DPH6: variants seen among roughly 807,000 people sequenced by gnomAD.
DPH6 encodes diphthine--ammonia ligase.
A neutral mutation model predicts 38.2 loss-of-function variants in DPH6; 33 were observed. The ratio of observed to expected loss-of-function variants is 0.86; its 90% CI spans 0.65 to 1.15. The LOEUF is 1.15. Among genes scored for constraint, DPH6 ranks in the 50% most tolerant of loss-of-function variants. DPH6 has a pLI of 0.00. For missense variants in DPH6, 325 were observed against 320.0 expected, an observed-to-expected ratio of 1.02 and a Z score of -0.12; for synonymous variants, 108 against 103.0, an observed-to-expected ratio of 1.05 and a Z score of -0.30.
intron 3 of DPH6, among the ~76,000 whole-genome samples, chr15:35,331,255 A>T (rs2052325225): frequency 6.6e-6 from 1 of 152,194 alleles, no homozygotes; most frequent in South Asian, 2.1e-4. Flanking sequence ...GGTTTTAATA[A>T]GTGAATTATG....
intron 3 of DPH6, among the ~76,000 whole-genome samples, chr15:35,495,851 A>C (rs1301147126): frequency 1.3e-5 from 2 of 152,220 alleles, no homozygotes; most frequent in Non-Finnish European, 2.9e-5. Flanking sequence ...ATGGCCTAAG[A>C]AGAAACAAAT....
chr15:35,470,321 G>A (rs777185396), intron 3 of DPH6, among the ~76,000 whole-genome samples: 4 of 152,030 alleles, frequency 2.6e-5, no homozygotes, highest in Admixed American at 2.0e-4. Flanking sequence ...GTTTTAAAGC[G>A]CAGAGTCTAT....
the DPH6 span, among the ~76,000 whole-genome samples, chr15:35,190,311 G>A: frequency 6.6e-6 from 1 of 152,184 alleles, no homozygotes; most frequent in African/African-American, 2.4e-5. Flanking sequence ...CCAGCTCTTC[G>A]GAAGACCGGA....
At chr15:35,507,399 T>C (rs915684755) in intron 3 of DPH6, among the ~76,000 whole-genome samples, 4 of 152,062 alleles carry the variant, frequency 2.6e-5, no homozygotes, top group Non-Finnish European at 4.4e-5. Flanking sequence ...TAATGAAAAT[T>C]TGAATGAGCA....
chr15:35,534,931 A>G (rs2055146492), intron 3 of DPH6, among the ~76,000 whole-genome samples: 1 of 152,196 alleles, frequency 6.6e-6, no homozygotes, highest in Admixed American at 6.6e-5. Flanking sequence ...TCTTCTGCCA[A>G]CTACCCAACA....
the DPH6 span, among the ~76,000 whole-genome samples, chr15:35,168,080 A>ATTT: frequency 6.6e-6 from 1 of 152,182 alleles, no homozygotes; most frequent in Non-Finnish European, 1.5e-5. Flanking sequence ...AAGACTTAAC[A>ATTT]AAGTTTATTA....
chr15:35,333,689 G>A (rs1410986644), intron 3 of DPH6, among the ~76,000 whole-genome samples: 2 of 152,058 alleles, frequency 1.3e-5, no homozygotes, highest in Non-Finnish European at 2.9e-5. Flanking sequence ...GTGTAAATTA[G>A]GTCAACCATT....
At chr15:35,359,773 T>C (rs529934825) in intron 3 of DPH6, among the ~76,000 whole-genome samples, 5 of 152,252 alleles carry the variant, frequency 3.3e-5, no homozygotes, top group Middle Eastern at 3.4e-3. Context: ...GAGGGTCTCA[T>C]TGTGTCTGTT....
chr15:35,163,900 A>T, the DPH6 span, among the ~76,000 whole-genome samples: 4 of 151,900 alleles, frequency 2.6e-5, no homozygotes, highest in Non-Finnish European at 2.9e-5. Context: ...GGGTCTACAG[A>T]GAAAAGGAAG....
chr15:35,416,754 T>TG (rs1205446425), intron 5 of DPH6, among the ~76,000 whole-genome samples: 1 of 152,066 alleles, frequency 6.6e-6, no homozygotes, highest in Non-Finnish European at 1.5e-5. Context: ...GACAAGTCAT[T>TG]GGGGACCTCA....
intron 3 of DPH6, among the ~76,000 whole-genome samples, chr15:35,229,328 C>CTCGG (rs35407774): frequency 0.2 from 29,746 of 151,602 alleles, 3,178 homozygotes; most frequent in South Asian, 0.31. Flanking sequence ...TATTAAAAGA[C>CTCGG]TCGGATGTAT....
intron 5 of DPH6, among the ~76,000 whole-genome samples, chr15:35,423,707 G>T (rs113001213): frequency 1.2e-4 from 18 of 151,706 alleles, no homozygotes; most frequent in African/African-American, 3.9e-4. Context: ...ATTTTGAGTT[G>T]AATATGGTGT....
chr15:35,331,345 T>C (rs922292118), intron 3 of DPH6, among the ~76,000 whole-genome samples: 5 of 152,230 alleles, frequency 3.3e-5, no homozygotes, highest in Non-Finnish European at 5.9e-5. Flanking sequence ...CATTAAAATA[T>C]AGACTTGAAG....
At chr15:35,358,126 G>A (rs1359165744) in intron 3 of DPH6, among the ~76,000 whole-genome samples, 2 of 151,958 alleles carry the variant, frequency 1.3e-5, no homozygotes, top group Non-Finnish European at 2.9e-5. Flanking sequence ...TGAATACTTT[G>A]TCTTTGTGCT....
At chr15:35,300,709 A>T (rs1225767145) in intron 3 of DPH6, among the ~76,000 whole-genome samples, 1 of 152,224 alleles carries the variant, frequency 6.6e-6, no homozygotes, top group Non-Finnish European at 1.5e-5. Flanking sequence ...TATTTTCCAC[A>T]TAATTTTGTT....
downstream of DPH6, among the ~76,000 whole-genome samples, chr15:35,329,719 T>TA (rs1439844103): frequency 1.3e-5 from 2 of 152,134 alleles, no homozygotes; most frequent in African/African-American, 4.8e-5. Flanking sequence ...GACAGCATCG[T>TA]AATTCACTTA....
At chr15:35,520,525 G>T (rs2054909253) in intron 3 of DPH6, 1 of 983,850 alleles carries the variant, frequency 1.0e-6, no homozygotes, top group South Asian at 4.7e-5. Context: ...TAAGTACAGT[G>T]TCAAAGGTAC....
At chr15:35,428,902 A>C (rs2053600432) in intron 5 of DPH6, among the ~76,000 whole-genome samples, 1 of 152,114 alleles carries the variant, frequency 6.6e-6, no homozygotes, top group Admixed American at 6.6e-5. Context: ...TCCCTTTTAC[A>C]AAAAGCAATT....
chr15:35,199,664 A>G, the DPH6 span, among the ~76,000 whole-genome samples: 1 of 152,094 alleles, frequency 6.6e-6, no homozygotes, highest in East Asian at 1.9e-4. Flanking sequence ...TAAATCAAAG[A>G]TGACAGATTA....
Sources: allele counts gnomAD v4.1 joint callset (sites outside exome capture counted in the v4.1 genomes callset), GRCh38; gene constraint gnomAD v4.1.1; transcripts MANE v1.5; gene names NCBI Gene and HGNC (gene_info 2026-07-23, HGNC 2026-07-21).